The following ADAMTS18 variants were observed in gnomAD, a reference collection of about 807,000 sequenced individuals.
ADAMTS18 encodes the protein ADAM metallopeptidase with thrombospondin type 1 motif 18.
Under a neutral mutation model 165.9 loss-of-function variants are expected in ADAMTS18, and 157 were observed. The ratio of observed to expected loss-of-function variants is 0.95; its 90% CI spans 0.83 to 1.08. ADAMTS18 has a LOEUF of 1.08. ADAMTS18 is among the 50% of genes least tolerant of loss of function. ADAMTS18 has a pLI of 0.00. For missense variants in ADAMTS18, 2,040 were observed against 1,534.0 expected (o/e 1.33, Z -5.51); for synonymous variants, 782 against 578.2 (o/e 1.35, Z -5.06).
chr16:77,297,181 G>A, intron 18 of ADAMTS18, 108 bp downstream of exon 18: 1 of 1,482,906 alleles, frequency 6.7e-7, no homozygotes, highest in Non-Finnish European at 9.4e-7. Context: ...GTCTACCTTT[G>A]AATCACTTTC....
At chr16:77,409,655 G>C (rs2057436040) in intron 3 of ADAMTS18, among the ~76,000 whole-genome samples, 1 of 152,092 alleles carries the variant, frequency 6.6e-6, no homozygotes, top group African/African-American at 2.4e-5. Context: ...TGGCATTTAT[G>C]GTGAACCACT....
chr16:77,382,739 A>T (rs2057049939), intron 3 of ADAMTS18, among the ~76,000 whole-genome samples: 1 of 152,208 alleles, frequency 6.6e-6, no homozygotes, highest in African/African-American at 2.4e-5. Context: ...ACTGTGAATG[A>T]CCAAGACGAC....
chr16:77,346,844 C>A (rs1366552), intron 10 of ADAMTS18, among the ~76,000 whole-genome samples: 58,932 of 151,966 alleles, frequency 0.39, 12,058 homozygotes, highest in East Asian at 0.61. Context: ...CAATAATATG[C>A]ATTCATTTTA....
intron 3 of ADAMTS18, among the ~76,000 whole-genome samples, chr16:77,429,337 A>G (rs1016517806): frequency 6.6e-6 from 1 of 152,208 alleles, no homozygotes; most frequent in Non-Finnish European, 1.5e-5. Context: ...ACGCAGGAGG[A>G]GAAATTCAAA....
In ADAMTS18 at chr16:77,319,901, C is replaced by T. The variant is rs149031657; in HGVS notation, c.2480G>A (p.Arg827His). The T allele has an allele frequency of 2.1e-4, 342 of 1,614,048 alleles. 3 individuals carry two copies. The highest frequency in any genetic ancestry group is 1.6e-4 in the Middle Eastern group (1 of 6,062). Residue 827 changes from arginine (R) to histidine (H), a missense_variant, in exon 16 of 23, where the codon CGC (arginine) becomes CAC (histidine). Transcript: ENST00000282849. Reference protein sequence around the residue: ...TTFEYQRSFNRPERLYAPGPT... With the variant: ...TTFEYQRSFNHPERLYAPGPT... ...CCCTGGCGCGTACAGACGTTCCGGGCGGTTGAAAGAGCGCTGGTATTCAAA... is the reference window on the plus strand; with the variant it reads ...CCCTGGCGCGTACAGACGTTCCGGGTGGTTGAAAGAGCGCTGGTATTCAAA...
At chr16:77,334,887 TAATATAC>T in intron 12 of ADAMTS18, among the ~76,000 whole-genome samples, 1 of 135,238 alleles carries the variant, frequency 7.4e-6, no homozygotes, top group African/African-American at 2.7e-5. Context: ...CTATATATTA[TAATATAC>T]AGTATATATA....
At position 77,295,090 on chromosome 16, in the gene ADAMTS18, A is replaced by T; in HGVS notation, c.2839T>A (p.Cys947Ser). Residue 947 changes from cysteine (C) to serine (S), a missense_variant, in exon 19 of 23, where the codon TGT (cysteine) becomes AGT (serine). Physicochemically the swap from Cys to Ser is moderately radical, Grantham distance 112 (BLOSUM62 -1). Transcript: ENST00000282849. ...PGEWSTCSKA[C>S]AGGQQSRKIQ... ...TTTCGGCTCTGCTGGCCTCCAGCAC[A>T]GGCCTTGCTGCATGTACTCCATTCA... is the stretch of plus-strand genomic sequence containing the variant. The T allele has an allele frequency of 1.2e-6, 2 of 1,614,172 alleles. No individual in the cohort carries two copies. The highest frequency in any genetic ancestry group is 1.7e-6 in the Non-Finnish European group (2 of 1,180,016).
intron 10 of ADAMTS18, among the ~76,000 whole-genome samples, chr16:77,342,232 C>A (rs1017117157): frequency 6.6e-6 from 1 of 152,176 alleles, no homozygotes; most frequent in Non-Finnish European, 1.5e-5. Context: ...GTTTTCTCAC[C>A]TGTACAATAG....
chr16:77,367,119 A>G (rs942527644), intron 4 of ADAMTS18, among the ~76,000 whole-genome samples: 1 of 152,158 alleles, frequency 6.6e-6, no homozygotes, highest in South Asian at 2.1e-4. Context: ...AACCACACCT[A>G]GACATTTACC....
intron 3 of ADAMTS18, among the ~76,000 whole-genome samples, chr16:77,394,705 A>C (rs2057234247): frequency 1.3e-5 from 2 of 152,226 alleles, no homozygotes; most frequent in East Asian, 1.9e-4. Flanking sequence ...ATTTCAAGAA[A>C]GTATTTAGCA....
intron 12 of ADAMTS18, among the ~76,000 whole-genome samples, chr16:77,329,750 C>G (rs1217839532): frequency 1.3e-5 from 2 of 152,058 alleles, no homozygotes; most frequent in Non-Finnish European, 2.9e-5. Context: ...CAATATTTTT[C>G]TGCAGCTTTG....
At chr16:77,374,149 G>A (rs1390617523) in intron 3 of ADAMTS18, among the ~76,000 whole-genome samples, 2 of 151,254 alleles carry the variant, frequency 1.3e-5, no homozygotes, top group Non-Finnish European at 1.5e-5. Flanking sequence ...ACCCCAGGAG[G>A]AGCAGTTTGC....
intron 6 of ADAMTS18, among the ~76,000 whole-genome samples, chr16:77,363,213 G>A (rs2056741283): frequency 6.6e-6 from 1 of 152,130 alleles, no homozygotes; most frequent in African/African-American, 2.4e-5. Flanking sequence ...TACATGTTCT[G>A]GTTTTCATAA....
intron 3 of ADAMTS18, among the ~76,000 whole-genome samples, chr16:77,404,045 C>T (rs1384795997): frequency 2.8e-5 from 4 of 143,988 alleles, no homozygotes; most frequent in Non-Finnish European, 4.6e-5. Context: ...CCCTTCCTCC[C>T]TTCCTCCCTT....
At chr16:77,426,316 C>T (rs1231603270) in intron 3 of ADAMTS18, among the ~76,000 whole-genome samples, 1 of 151,818 alleles carries the variant, frequency 6.6e-6, no homozygotes, top group East Asian at 1.9e-4. Context: ...TTTTTCATGT[C>T]ACCACCAAAC....
intron 18 of ADAMTS18, 69 bp from the exon 19 acceptor site, chr16:77,295,196 T>C: frequency 1.3e-6 from 2 of 1,547,240 alleles, no homozygotes; most frequent in Non-Finnish European, 1.8e-6. Context: ...GCAGTTACTG[T>C]GAAAGGTAAA....
rs567957147 is a variant in ADAMTS18 at position 77,425,311 on chromosome 16, A to G, written c.495+5984T>C. On this transcript the variant is annotated intron_variant, in intron 3 of 22. Transcript: ENST00000282849. ...ACCGAGTGACAAAATTGGATGATGC[A>G]TCAGGAATTGAGGCTGGAGGGAGTT... Among the ~76,000 whole-genome samples the G allele has an allele frequency of 2.0e-5, 3 of 152,320 alleles. No homozygotes were observed. The South Asian group carries it at 6.2e-4, about 32-fold the overall frequency.
chr16:77,335,637 T>C (rs1008688792), intron 12 of ADAMTS18, 119 bp downstream of exon 12: 1 of 1,247,560 alleles, frequency 8.0e-7, no homozygotes, highest in Non-Finnish European at 1.2e-6. Context: ...GTATAACCAT[T>C]ATGTAGCCAT....
At chr16:77,285,869 C>A (rs62044008) in intron 22 of ADAMTS18, among the ~76,000 whole-genome samples, 50,364 of 152,008 alleles carry the variant, frequency 0.33, 10,427 homozygotes, top group Non-Finnish European at 0.46. Flanking sequence ...AGTGGAACCT[C>A]CTCCAACCGC....
Sources: gnomAD v4.1 joint callset for allele counts (sites outside exome capture counted in the v4.1 genomes callset) on GRCh38, gnomAD v4.1.1 for gene constraint, MANE v1.5 for transcripts, NCBI Gene and HGNC (gene_info 2026-07-23, HGNC 2026-07-21) for gene names.